Variants in NREP observed in about 807,000 individuals in gnomAD.
NREP encodes the protein neuronal regeneration related protein, also known as neuronal regeneration-related protein.
NREP carries 5 observed loss-of-function variants against 8.6 expected under a neutral mutation model. That is an observed-to-expected ratio of 0.58 (90% confidence interval 0.30 to 1.22). The LOEUF (loss-of-function observed/expected upper bound fraction) is 1.22. NREP is among the 50% of genes most tolerant of loss of function. NREP has a pLI of 0.07. For missense variants in NREP, 86 were observed against 82.5 expected, an observed-to-expected ratio of 1.04 and a Z score of -0.17; for synonymous variants, 27 against 28.0, an observed-to-expected ratio of 0.96 and a Z score of 0.11.
chr5:111,846,419 G>GTTTTTTTTTTTTT (rs1753168991), intron 2 of NREP: 1 of 37,740 alleles, frequency 2.6e-5, no homozygotes, highest in Non-Finnish European at 5.4e-5. Context: ...CTTTTTGTTT[G>GTTTTTTTTTTTTT]CTTTTTTTTT....
rs1351591804 is a variant in NREP, at chr5:111,885,356, C to T, written c.135+89918G>A. 1.1e-4 allele frequency among the ~76,000 whole-genome samples: 16 copies of T among 152,058 alleles called. No individual in the cohort carries two copies. In the East Asian group the frequency reaches 2.1e-3, roughly 20 times the overall value. On this transcript the variant is annotated intron_variant, in intron 2 of 3. Transcript: ENST00000395634. ...CAAACAAATGGAAGAACATTCCATG[C>T]TCATGAGTAGGAAGAATCAATATCG...
rs534857710 is a variant in NREP, at chr5:111,886,841, AG to A, written c.135+88432del. 5.2e-3 allele frequency among the ~76,000 whole-genome samples: 784 copies of A among 151,756 alleles called. 11 individuals are homozygous for A. Among genetic ancestry groups the A allele is most frequent in the African/African-American group, 0.018 (750 of 41,370 alleles). ...CTGTTGTGGGGTTGGGGGACGGGGG[AG>A]GGATAGCATTAGGAGATAGACCTAA... On this transcript the variant is annotated intron_variant, in intron 2 of 3. Transcript: ENST00000395634.
At chr5:111,782,608 A>T (rs1751518289) in intron 2 of NREP, among the ~76,000 whole-genome samples, 1 of 152,212 alleles carries the variant, frequency 6.6e-6, no homozygotes, top group Non-Finnish European at 1.5e-5. Context: ...TGATAGTTCT[A>T]AATTAACTCT....
chr5:111,884,183 A>G (rs1754173139), intron 2 of NREP, among the ~76,000 whole-genome samples: 1 of 151,718 alleles, frequency 6.6e-6, no homozygotes, highest in African/African-American at 2.4e-5. Context: ...CCATCAGAGA[A>G]TACTACAAAC....
chr5:111,825,004 C>T (rs568720926), intron 2 of NREP, among the ~76,000 whole-genome samples: 2 of 152,226 alleles, frequency 1.3e-5, no homozygotes, highest in African/African-American at 2.4e-5. Context: ...AAGAGATATA[C>T]GTCTCCTCAG....
intron 2 of NREP, among the ~76,000 whole-genome samples, chr5:111,906,083 A>C (rs1754771598): frequency 6.6e-6 from 1 of 152,108 alleles, no homozygotes; most frequent in Non-Finnish European, 1.5e-5. Context: ...TATTCTTCTA[A>C]GTATAAAACA....
At chr5:111,968,360 T>C (rs1756704480) in intron 2 of NREP, among the ~76,000 whole-genome samples, 1 of 152,210 alleles carries the variant, frequency 6.6e-6, no homozygotes, top group Non-Finnish European at 1.5e-5. Flanking sequence ...CTATTTCAGA[T>C]AATGGCTAAG....
chr5:111,948,630 C>A (rs141391050), intron 2 of NREP, among the ~76,000 whole-genome samples: 148 of 152,118 alleles, frequency 9.7e-4, no homozygotes, highest in African/African-American at 3.4e-3. Flanking sequence ...CCAAGACATG[C>A]CTTTATGGAA....
intron 2 of NREP, among the ~76,000 whole-genome samples, chr5:111,873,502 T>A (rs1753836217): frequency 6.6e-6 from 1 of 152,182 alleles, no homozygotes; most frequent in Non-Finnish European, 1.5e-5. Flanking sequence ...AGTCTCCAAT[T>A]TCTTGCTGGC....
chr5:111,769,697 C>T (rs956107486), intron 2 of NREP, among the ~76,000 whole-genome samples: 3 of 152,002 alleles, frequency 2.0e-5, no homozygotes, highest in Admixed American at 1.3e-4. Context: ...TAGCAGAAGG[C>T]GAAGGGGAAG....
chr5:111,789,609 G>C (rs1163264508), intron 2 of NREP, among the ~76,000 whole-genome samples: 2 of 152,104 alleles, frequency 1.3e-5, no homozygotes, highest in African/African-American at 4.8e-5. Context: ...CTGGTCTATA[G>C]TTTCTCTACC....
intron 2 of NREP, among the ~76,000 whole-genome samples, chr5:111,855,238 C>G (rs576251771): frequency 6.6e-6 from 1 of 152,318 alleles, no homozygotes; most frequent in Non-Finnish European, 1.5e-5. Context: ...AACAGACTGC[C>G]TACCAACGCT....
At chr5:111,875,643 C>A (rs1358773283) in intron 2 of NREP, among the ~76,000 whole-genome samples, 1 of 152,142 alleles carries the variant, frequency 6.6e-6, no homozygotes, top group Non-Finnish European at 1.5e-5. Context: ...CATTCAGAAA[C>A]AATCAAGCTA....
chr5:111,925,230 C>G (rs1045444993), intron 2 of NREP, among the ~76,000 whole-genome samples: 2 of 150,220 alleles, frequency 1.3e-5, no homozygotes, highest in African/African-American at 4.9e-5. Flanking sequence ...CCCATCAGTT[C>G]TGCTGGAGCA....
chr5:111,798,532 C>T lies in NREP; in HGVS notation c.136-63025G>A, dbSNP rs368485529. On this transcript the variant is annotated intron_variant, in intron 2 of 3. Transcript: ENST00000395634. ...CCTTGCCACCCCCAACTCTTTCCCC[C>T]GAGTCCCCAAAGTCCAATATTTCAT... Among the ~76,000 whole-genome samples the T allele has an allele frequency of 1.8e-3, 276 of 152,142 alleles. 1 individual carries two copies. The highest frequency in any genetic ancestry group is 6.2e-3 in the African/African-American group (256 of 41,504).
At chr5:111,821,973 A>T (rs1752523817) in intron 2 of NREP, among the ~76,000 whole-genome samples, 1 of 152,172 alleles carries the variant, frequency 6.6e-6, no homozygotes, top group African/African-American at 2.4e-5. Flanking sequence ...CTACTATGAA[A>T]ATGCTTAAAA....
At chr5:111,753,519 A>G (rs1373973575) in intron 2 of NREP, among the ~76,000 whole-genome samples, 1 of 152,058 alleles carries the variant, frequency 6.6e-6, no homozygotes, top group Admixed American at 6.6e-5. Context: ...ACTGTTACGA[A>G]TTCTGGAATC....
In NREP at chr5:111,770,048, A is replaced by C. The variant is rs758182617; in HGVS notation, c.136-34541T>G. 6.6e-5 allele frequency among the ~76,000 whole-genome samples: 10 copies of C among 152,334 alleles called. No individual in the cohort carries two copies. In the South Asian group the frequency reaches 2.1e-3, roughly 32 times the overall value. On this transcript the variant is annotated intron_variant, in intron 2 of 3. Transcript: ENST00000395634. ...GTGATTGAGATAATGTGACTGGACTATAGTGAGCAAGAGGAAAGAACAATC... is the reference window on the plus strand; with the variant it reads ...GTGATTGAGATAATGTGACTGGACTCTAGTGAGCAAGAGGAAAGAACAATC...
chr5:111,778,511 A>G (rs1240385643), intron 2 of NREP, among the ~76,000 whole-genome samples: 1 of 152,120 alleles, frequency 6.6e-6, no homozygotes, highest in African/African-American at 2.4e-5. Context: ...CAGTAGTATG[A>G]ATTCCTTATA....
Sources: gnomAD v4.1 joint callset for allele counts (sites outside exome capture counted in the v4.1 genomes callset) on GRCh38, gnomAD v4.1.1 for gene constraint, MANE v1.5 for transcripts, NCBI Gene and HGNC (gene_info 2026-07-23, HGNC 2026-07-21) for gene names.